The following ADAMTS7 variants were observed in gnomAD, a reference collection of about 807,000 sequenced individuals.
The protein encoded by ADAMTS7 is A disintegrin and metalloproteinase with thrombospondin motifs 7.
ADAMTS7 carries 89 observed loss-of-function variants against 172.6 expected under a neutral mutation model. The observed-to-expected ratio is 0.52, with a 90% CI of 0.43 to 0.61. The LOEUF (loss-of-function observed/expected upper bound fraction) is 0.61. Ranked by LOEUF, ADAMTS7 falls within the 20% of genes least tolerant of loss-of-function variation. The pLI is 0.00. For synonymous variants in ADAMTS7, 885 were observed against 978.4 expected (o/e 0.90, Z 1.78); for missense variants, 1,973 against 2,355.6 (o/e 0.84, Z 3.36).
intron 4 of ADAMTS7, 136 bp from the exon 5 acceptor site, chr15:78,791,359 C>A: frequency 1.5e-6 from 1 of 666,958 alleles, no homozygotes; most frequent in Non-Finnish European, 2.6e-6. Context: ...CTGGTGCACA[C>A]AGGCTGCACA....
intron 22 of ADAMTS7, 37 bp downstream of exon 22, chr15:78,763,662 G>A (rs779679275): frequency 1.3e-6 from 2 of 1,505,222 alleles, no homozygotes; most frequent in Admixed American, 4.3e-5. Flanking sequence ...GCGCCACCAA[G>A]CACTTGCTCC....
rs1567229714 is a variant in ADAMTS7 at position 78,788,248 on chromosome 15, A to G, written c.1305T>C (p.Tyr435=). The G allele has an allele frequency of 1.9e-6, 3 of 1,613,690 alleles. No homozygotes were observed. Among genetic ancestry groups the G allele is most frequent in the Admixed American group, 1.7e-5 (1 of 60,012 alleles). ...PLTWSRCSRQ[Y]ITRFLDRGWG... ...GGACTTACTCAAGGAACCTGGTGAT[A>G]TACTGGCGGCTGCAGCGGGACCAGG... Residue 435 remains tyrosine (Y), a synonymous_variant, in exon 8 of 24, where the codon TAT becomes TAC. Transcript: ENST00000388820.
rs1359380604 is a variant in ADAMTS7, at chr15:78,764,160, G to A, written c.4420-61C>T. 8.3e-6 allele frequency: 12 copies of A among 1,443,906 alleles called. No homozygotes were observed. The East Asian group carries it at 1.8e-4, about 22-fold the overall frequency. The allele number at this position is 1,443,906 out of a possible 1,614,324, so 89.4% of individuals were successfully genotyped here. A position where few individuals can be genotyped will look rare whatever the true frequency, so the allele number is the denominator to read the frequency against. ...TGTGCAGGCCCACAGGCGTGACCCC[G>A]TGAGGTGTGTGGCGGGAAAGGCATC... On this transcript the variant is annotated intron_variant, in intron 20 of 23. Coordinates refer to ENST00000388820, the MANE Select transcript of ADAMTS7 (RefSeq NM_014272.5).
At chr15:78,788,510 T>A in intron 7 of ADAMTS7, 136 bp from the exon 8 acceptor site, 1 of 1,041,624 alleles carries the variant, frequency 9.6e-7, no homozygotes, top group Non-Finnish European at 1.4e-6. Context: ...ACCCAATGGC[T>A]GCAGAAAGTC....
chr15:78,762,029 G>A, intron 23 of ADAMTS7: 1 of 985,416 alleles, frequency 1.0e-6, no homozygotes, highest in Non-Finnish European at 1.2e-6. Flanking sequence ...ACTCACCCAG[G>A]CCCAGTTTTC....
chr15:78,786,043 C>T (rs2055497395), intron 8 of ADAMTS7, among the ~76,000 whole-genome samples: 2 of 150,596 alleles, frequency 1.3e-5, no homozygotes, highest in South Asian at 4.3e-4. Flanking sequence ...GATTCTCCTG[C>T]CTCAGCTTCC....
intron 4 of ADAMTS7, among the ~76,000 whole-genome samples, chr15:78,793,021 T>G (rs1596195545): frequency 6.6e-6 from 1 of 152,122 alleles, no homozygotes; most frequent in Non-Finnish European, 1.5e-5. Flanking sequence ...AAGGTGGCTG[T>G]GGGTCAGATA....
intron 1 of ADAMTS7, among the ~76,000 whole-genome samples, chr15:78,801,663 G>T (rs573035064): frequency 5.3e-5 from 8 of 151,836 alleles, no homozygotes; most frequent in Non-Finnish European, 7.4e-5. Context: ...AGGAAGGCAA[G>T]AATCTATATT....
Position 78,765,775 on chromosome 15 carries a change from C to G in ADAMTS7, c.4136G>C (p.Trp1379Ser), listed in dbSNP as rs1428180442. 1 of 1,609,036 alleles carries G rather than the reference C, an allele frequency of 6.2e-7. No individual in the cohort carries two copies. The highest frequency in any genetic ancestry group is 8.5e-7 in the Non-Finnish European group (1 of 1,179,450). ...TCTGTGGCTGTTGGCGGGGCTGTCC[C>G]AAGCTGGTGTGGACAGCAGCCTAGA... is the stretch of plus-strand genomic sequence containing the variant. ...LSSRLLSTPAWDSPANSHRVP... is the reference protein window; with the variant it reads ...LSSRLLSTPASDSPANSHRVP... The change falls in exon 19 of 24, where the codon TGG becomes TCG. Residue 1379 changes from tryptophan (W) to serine (S), a missense_variant. This residue lies in a region of ADAMTS7 where 771 missense variants were observed against 952.6 expected (regional missense o/e 0.81). Transcript: ENST00000388820.
At position 78,767,422 on chromosome 15, in the gene ADAMTS7, T is replaced by C. The variant is rs201753137; in HGVS notation, c.2816A>G (p.His939Arg). ...AGCCCAGGTGGCCGGACAGGGTACATGGCGGTTGCAAGGGGTTTCAGTAGG... is the reference window on the plus strand; with the variant it reads ...AGCCCAGGTGGCCGGACAGGGTACACGGCGGTTGCAAGGGGTTTCAGTAGG... ...RPPTETPCNR[H>R]VPCPATWAVG... Residue 939 changes from histidine to arginine, a missense_variant, in exon 18 of 24, where the codon CAT becomes CGT. His to Arg is a conservative substitution (Grantham distance 29). Around this residue, in one of 8 missense-constraint regions of ADAMTS7, gnomAD observed 771 missense variants for 952.6 expected, o/e 0.81. Transcript: ENST00000388820. 3.8e-5 allele frequency: 61 copies of C among 1,611,844 alleles called. No individual in the cohort carries two copies. The East Asian group carries it at 1.0e-3, about 26-fold the overall frequency.
Position 78,764,014 on chromosome 15 carries a change from T to G in ADAMTS7, c.4505A>C (p.His1502Pro). 4 of 1,542,580 alleles carry G rather than the reference T, an allele frequency of 2.6e-6. No individual in the cohort carries two copies. The South Asian group carries it at 3.6e-5, about 14-fold the overall frequency. ...CGGCTTGGCAGGCCCGGGCTGACAA[T>G]GGAAGGGCCGCAGTGGCCGGAGGTC... ...TRDLRPLRPFHCQPGPAKPPA... is the reference protein window; with the variant it reads ...TRDLRPLRPFPCQPGPAKPPA... Residue 1502 changes from histidine (H) to proline (P), a missense_variant, in exon 21 of 24, where the codon CAT becomes CCT. Physicochemically the swap from His to Pro is moderately conservative, Grantham distance 77 (BLOSUM62 -2). Around this residue, in one of 8 missense-constraint regions of ADAMTS7, gnomAD observed 218 missense variants for 216.9 expected, o/e 1.01. Coordinates refer to ENST00000388820, the MANE Select transcript of ADAMTS7 (RefSeq NM_014272.5).
In ADAMTS7 at chr15:78,797,308, C is replaced by G. The variant is rs971925437; in HGVS notation, c.623-522G>C. ...CAGAAGAGGAAGCACATCTATGAAG[C>G]TGAGGAAACTGAGGCCAAGAAGCAT... On this transcript the variant is annotated intron_variant, in intron 3 of 23. Coordinates refer to ENST00000388820, the MANE Select transcript of ADAMTS7 (RefSeq NM_014272.5). Among the ~76,000 whole-genome samples the G allele has an allele frequency of 2.0e-4, 30 of 152,354 alleles. 1 individual carries two copies. Among genetic ancestry groups the G allele is most frequent in the Admixed American group, 1.6e-3 (24 of 15,310 alleles).
intron 6 of ADAMTS7, 87 bp downstream of exon 6, chr15:78,790,583 C>T (rs779147710): frequency 1.1e-5 from 17 of 1,558,082 alleles, no homozygotes; most frequent in Admixed American, 3.5e-5. Flanking sequence ...CCTGACAGCA[C>T]GGCCCCCTCC....
At chr15:78,780,333 T>C (rs867938731) in intron 8 of ADAMTS7, among the ~76,000 whole-genome samples, 1 of 152,162 alleles carries the variant, frequency 6.6e-6, no homozygotes, top group Admixed American at 6.5e-5. Context: ...ACCTTGAGAC[T>C]GCAAAGAGCT....
intron 8 of ADAMTS7, among the ~76,000 whole-genome samples, chr15:78,778,526 C>A (rs1596187028): frequency 6.6e-6 from 1 of 152,316 alleles, no homozygotes; most frequent in Middle Eastern, 3.4e-3. Context: ...CATTGCTGTC[C>A]TGGAGGAACT....
intron 10 of ADAMTS7, 113 bp from the exon 11 acceptor site, chr15:78,776,446 G>T: frequency 3.5e-6 from 5 of 1,430,852 alleles, no homozygotes; most frequent in Non-Finnish European, 4.7e-6. Context: ...GGGGAAGGAT[G>T]GAAGGTGAGA....
At position 78,774,808 on chromosome 15, in the gene ADAMTS7, G is replaced by C. The variant is rs369392981; in HGVS notation, c.1707-15C>G. On this transcript the variant is annotated splice_polypyrimidine_tract_variant and intron_variant, in intron 11 of 23. Transcript: ENST00000388820. ...TGTATTTGGGCCTGTGGGGAGAACC[G>C]GGGTGGGCCCCAGTGACGGCCCAGT... 1 of 1,576,644 alleles carries C rather than the reference G, an allele frequency of 6.3e-7. No individual in the cohort carries two copies. Among genetic ancestry groups the C allele is most frequent in the Non-Finnish European group, 8.6e-7 (1 of 1,158,614 alleles).
rs771105830 is a variant in ADAMTS7 at position 78,762,403 on chromosome 15, G to C, written c.4903C>G (p.Arg1635Gly). Residue 1635 changes from arginine to glycine, a missense_variant and splice_region_variant, in exon 23 of 24, where the codon CGC (arginine) becomes GGC (glycine). Physicochemically the swap from Arg to Gly is moderately radical, Grantham distance 125 (BLOSUM62 -2). This residue lies in a region of ADAMTS7 where 94 missense variants were observed against 95.4 expected (regional missense o/e 0.99). Transcript: ENST00000388820. ...GGGAGCCTGGGGTCAGGGGACTCACGGGGAGGCTCGACGGGCTCACAATCC... is the reference window on the plus strand; with the variant it reads ...GGGAGCCTGGGGTCAGGGGACTCACCGGGAGGCTCGACGGGCTCACAATCC... ...TEDCEPVEPP[R>G]CERDRLSFGF... The C allele has an allele frequency of 1.4e-4, 200 of 1,462,170 alleles. No homozygotes were observed. Among genetic ancestry groups the C allele is most frequent in the Non-Finnish European group, 1.7e-4 (190 of 1,102,312 alleles). 90.6% of individuals were successfully genotyped at this position (1,462,170 alleles called of 1,614,324 possible).
At chr15:78,765,520 G>C in intron 19 of ADAMTS7, 125 bp downstream of exon 19, 1 of 1,484,526 alleles carries the variant, frequency 6.7e-7, no homozygotes. Context: ...CCTAATCCTG[G>C]GAACCCCTGC....
Sources: allele counts gnomAD v4.1 joint callset (sites outside exome capture counted in the v4.1 genomes callset), GRCh38; gene constraint gnomAD v4.1.1; regional missense constraint gnomAD v4.1.1; transcripts MANE v1.5; gene names NCBI Gene and HGNC (gene_info 2026-07-23, HGNC 2026-07-21).